Variants in CBR4 observed in about 807,000 individuals in gnomAD.
CBR4 encodes the protein 3-oxoacyl-[acyl-carrier-protein] reductase.
A neutral mutation model predicts 21.0 loss-of-function variants in CBR4; 22 were observed. That is an observed-to-expected ratio of 1.05 (90% CI 0.75 to 1.50). The LOEUF is 1.50. Among genes scored for constraint, CBR4 ranks in the 40% most tolerant of loss-of-function variants. The probability of loss-of-function intolerance (pLI) is 0.00; values close to 1 mark genes in which losing one functional copy is unlikely to be tolerated. For missense variants in CBR4, 302 were observed against 286.3 expected (o/e 1.05, Z -0.40); for synonymous variants, 100 against 104.4 (o/e 0.96, Z 0.26).
chr4:168,914,548 A>T (rs2151414205), intron 2 of CBR4, among the ~76,000 whole-genome samples: 1 of 152,352 alleles, frequency 6.6e-6, no homozygotes, highest in African/African-American at 2.4e-5. Context: ...AGCAATAGAG[A>T]TGCTTTCCAT....
chr4:168,966,893 C>T (rs1764056199), intron 2 of CBR4, among the ~76,000 whole-genome samples: 1 of 151,950 alleles, frequency 6.6e-6, no homozygotes, highest in Admixed American at 6.6e-5. Flanking sequence ...TGGCAGGTAC[C>T]TGTAGTCCCA....
At chr4:168,952,662 C>A (rs912917315) in intron 2 of CBR4, among the ~76,000 whole-genome samples, 3 of 152,136 alleles carry the variant, frequency 2.0e-5, no homozygotes, top group African/African-American at 4.8e-5. Context: ...TCCTGAGAGC[C>A]GAGCTGCAGT....
chr4:168,925,964 T>TAAA (rs11357121), intron 2 of CBR4, among the ~76,000 whole-genome samples: 2 of 150,020 alleles, frequency 1.3e-5, no homozygotes, highest in African/African-American at 4.9e-5. Flanking sequence ...AGTGTTTACT[T>TAAA]AAAAAAAAAA....
At chr4:169,001,878 G>T in intron 4 of CBR4, 193 bp downstream of exon 4, 1 of 401,042 alleles carries the variant, frequency 2.5e-6, no homozygotes, top group Non-Finnish European at 4.4e-6. Context: ...AATGCAAACA[G>T]GCTAACACAT....
intron 2 of CBR4, among the ~76,000 whole-genome samples, chr4:168,961,370 GAAT>G: frequency 1.3e-5 from 2 of 152,156 alleles, no homozygotes; most frequent in Admixed American, 1.3e-4. Context: ...AATATCTATA[GAAT>G]ATTATATTAT....
chr4:168,999,978 C>T (rs1730282540), intron 4 of CBR4, among the ~76,000 whole-genome samples: 1 of 152,186 alleles, frequency 6.6e-6, no homozygotes, highest in African/African-American at 2.4e-5. Flanking sequence ...AGTCCCTACA[C>T]GTAGGAGACA....
chr4:168,920,634 G>A (rs1761285601), intron 2 of CBR4, among the ~76,000 whole-genome samples: 1 of 152,110 alleles, frequency 6.6e-6, no homozygotes, highest in Admixed American at 6.6e-5. Context: ...GCAATTAAAT[G>A]CTTTTATCTG....
intron 4 of CBR4, among the ~76,000 whole-genome samples, chr4:168,998,723 G>A (rs1320921489): frequency 6.6e-6 from 1 of 152,136 alleles, no homozygotes; most frequent in Non-Finnish European, 1.5e-5. Flanking sequence ...TTAAAAAAGT[G>A]AAGCAGCTCT....
At chr4:168,940,938 C>T (rs1257377186) in intron 2 of CBR4, among the ~76,000 whole-genome samples, 1 of 152,124 alleles carries the variant, frequency 6.6e-6, no homozygotes, top group African/African-American at 2.4e-5. Context: ...GGGCATATAC[C>T]CAAAGGATTA....
chr4:168,915,931 T>C, intron 2 of CBR4: 2 of 1,613,502 alleles, frequency 1.2e-6, no homozygotes, highest in African/African-American at 2.7e-5. Context: ...GAGACGAAAA[T>C]GAACCAATTC....
At chr4:168,990,641 C>A (rs1055116633) in intron 4 of CBR4, among the ~76,000 whole-genome samples, 1 of 151,916 alleles carries the variant, frequency 6.6e-6, no homozygotes, top group Non-Finnish European at 1.5e-5. Flanking sequence ...AGGCTGATCT[C>A]AAACTTCTGG....
intron 3 of CBR4, among the ~76,000 whole-genome samples, chr4:169,004,729 T>A (rs781169505): frequency 6.6e-5 from 10 of 152,258 alleles, no homozygotes; most frequent in Non-Finnish European, 1.5e-4. Flanking sequence ...CGAGACATGC[T>A]TGTACTGTCA....
intron 2 of CBR4, among the ~76,000 whole-genome samples, chr4:168,975,844 A>G (rs534727734): frequency 5.3e-4 from 80 of 152,266 alleles, no homozygotes; most frequent in African/African-American, 1.8e-3. Context: ...CCTCTGCTGC[A>G]TCATACAGGT....
chr4:168,915,151 T>C (rs1759847014), intron 2 of CBR4, among the ~76,000 whole-genome samples: 1 of 152,254 alleles, frequency 6.6e-6, no homozygotes, highest in Non-Finnish European at 1.5e-5. Context: ...CTAATAATTA[T>C]TAGCCTAGTA....
chr4:168,968,418 G>A (rs1371229265), intron 2 of CBR4, among the ~76,000 whole-genome samples: 1 of 152,202 alleles, frequency 6.6e-6, no homozygotes, highest in Non-Finnish European at 1.5e-5. Flanking sequence ...GGGCAGAAGA[G>A]TTGATACAGC....
intron 2 of CBR4, among the ~76,000 whole-genome samples, chr4:168,974,770 T>C (rs1578964904): frequency 6.6e-6 from 1 of 152,216 alleles, no homozygotes; most frequent in African/African-American, 2.4e-5. Context: ...CTTTTCTTTA[T>C]GATATCTATT....
Position 169,010,023 on chromosome 4 carries a change from C to A in CBR4, c.67G>T (p.Ala23Ser). 6.2e-7 allele frequency: 1 copy of A among 1,613,912 alleles called. No homozygotes were observed. Among genetic ancestry groups the A allele is most frequent in the Non-Finnish European group, 8.5e-7 (1 of 1,179,978 alleles). Residue 23 changes from alanine (A) to serine (S), a missense_variant, in exon 1 of 5, where the codon GCC becomes TCC. By Grantham distance (99) the Ala-to-Ser change is moderately conservative. Coordinates refer to ENST00000306193, the MANE Select transcript of CBR4 (RefSeq NM_032783.5). ...ACCGCCAGTCGGTAGCCTTTCCGGGCCATTAACTGGGCCACAGCTCTGCCA... is the reference window on the plus strand; with the variant it reads ...ACCGCCAGTCGGTAGCCTTTCCGGGACATTAACTGGGCCACAGCTCTGCCA... ...GIGRAVAQLM[A>S]RKGYRLAVIA...
chr4:168,925,352 G>T, intron 2 of CBR4: 1 of 1,134,582 alleles, frequency 8.8e-7, no homozygotes, highest in East Asian at 2.3e-5. Flanking sequence ...GTTAGTTGTG[G>T]CTTCCTTACT....
chr4:168,936,655 TG>T (rs1763120576), intron 2 of CBR4, among the ~76,000 whole-genome samples: 2 of 151,886 alleles, frequency 1.3e-5, no homozygotes, highest in Non-Finnish European at 2.9e-5. Context: ...TATCAACAGC[TG>T]AATCGATCAA....
Sources: allele counts gnomAD v4.1 joint callset (sites outside exome capture counted in the v4.1 genomes callset), GRCh38; gene constraint gnomAD v4.1.1; transcripts MANE v1.5; gene names NCBI Gene and HGNC (gene_info 2026-07-23, HGNC 2026-07-21).